The following EZH1 variants were observed in gnomAD, a reference collection of about 807,000 sequenced individuals.
EZH1 encodes the protein histone-lysine N-methyltransferase EZH1.
EZH1 carries 33 observed loss-of-function variants against 100.5 expected under a neutral mutation model. That is an observed-to-expected ratio of 0.33 (90% CI 0.25 to 0.44). The LOEUF (loss-of-function observed/expected upper bound fraction) is 0.44. EZH1 is among the 20% of genes least tolerant of loss of function. The probability of loss-of-function intolerance (pLI) is 1.00; values close to 1 mark genes in which losing one functional copy is unlikely to be tolerated. For synonymous variants in EZH1, 272 were observed against 313.8 expected, an observed-to-expected ratio of 0.87 and a Z score of 1.41; for missense variants, 475 against 928.4, an observed-to-expected ratio of 0.51 and a Z score of 6.35.
intron 1 of EZH1, among the ~76,000 whole-genome samples, chr17:42,744,037 T>TA (rs2054229954): frequency 6.6e-6 from 1 of 152,094 alleles, no homozygotes; most frequent in South Asian, 2.1e-4. Context: ...ACCTAATTGT[T>TA]AGTGTACCTG....
At position 42,712,412 on chromosome 17, in the gene EZH1, T is replaced by C. The variant is rs1222583957; in HGVS notation, c.1278A>G (p.Glu426=). Residue 426 remains glutamate (E), a synonymous_variant, in exon 12 of 21, where the codon GAA becomes GAG. Coordinates refer to ENST00000428826, the MANE Select transcript of EZH1 (RefSeq NM_001991.5). ...SPAPPQLCVV[E]APSEPVEWTG... ...TCCATTCCACAGGCTCCGAGGGTGCTTCCACTACGCAGAGTTGAGGTGGGG... is the reference window on the plus strand; with the variant it reads ...TCCATTCCACAGGCTCCGAGGGTGCCTCCACTACGCAGAGTTGAGGTGGGG... The C allele has an allele frequency of 6.2e-7, 1 of 1,614,072 alleles. No homozygotes were observed. The highest frequency in any genetic ancestry group is 8.5e-7 in the Non-Finnish European group (1 of 1,180,038).
chr17:42,731,205 C>T (rs1401617628), intron 1 of EZH1, among the ~76,000 whole-genome samples: 2 of 151,910 alleles, frequency 1.3e-5, no homozygotes, highest in African/African-American at 4.8e-5. Context: ...GCAACCTCCG[C>T]CTCCTGGGTT....
At chr17:42,710,625 G>T (rs368711602) in intron 12 of EZH1, among the ~76,000 whole-genome samples, 245 of 121,096 alleles carry the variant, frequency 2.0e-3, no homozygotes, top group South Asian at 6.7e-3. Context: ...TTCTGTTTTT[G>T]TTTGTTTTTT....
chr17:42,726,162 A>C (rs2053815431), intron 4 of EZH1, among the ~76,000 whole-genome samples: 1 of 141,334 alleles, frequency 7.1e-6, no homozygotes, highest in Non-Finnish European at 1.5e-5. Context: ...TACAGGCATG[A>C]GCCACTGCAC....
chr17:42,742,758 T>A (rs1331622985), intron 1 of EZH1, among the ~76,000 whole-genome samples: 2 of 152,246 alleles, frequency 1.3e-5, no homozygotes, highest in African/African-American at 4.8e-5. Flanking sequence ...TGATTCATTA[T>A]GTTTGTGACA....
chr17:42,731,263 G>A (rs993622326), intron 1 of EZH1, among the ~76,000 whole-genome samples: 5 of 151,848 alleles, frequency 3.3e-5, no homozygotes, highest in African/African-American at 7.3e-5. Context: ...GACTATAGGC[G>A]CGCACCACCA....
Position 42,728,918 on chromosome 17 carries a change from G to A in EZH1, c.24C>T (p.Thr8=), listed in dbSNP as rs553310684. ...TTTTCCAGTAAGTGATACATTTGGA[G>A]GTAGGGGGATTTGGTATTTCCATCT... MEIPNPP[T]SKCITYWKRK... is the part of the protein sequence containing the mutation. The change falls in exon 3 of 21, where the codon ACC becomes ACT. Residue 8 remains threonine (T), a synonymous_variant. Coordinates refer to ENST00000428826, the MANE Select transcript of EZH1 (RefSeq NM_001991.5). The A allele has an allele frequency of 2.0e-5, 32 of 1,613,208 alleles. No individual in the cohort carries two copies. In the South Asian group the frequency reaches 3.2e-4, roughly 16 times the overall value.
intron 1 of EZH1, among the ~76,000 whole-genome samples, chr17:42,735,483 A>G (rs2054048275): frequency 6.6e-6 from 1 of 152,120 alleles, no homozygotes; most frequent in Non-Finnish European, 1.5e-5. Context: ...AATACTTTAT[A>G]TTTCTACCAG....
intron 5 of EZH1, 105 bp downstream of exon 5, chr17:42,724,200 G>A: frequency 7.5e-7 from 1 of 1,331,106 alleles, no homozygotes; most frequent in Non-Finnish European, 1.1e-6. Context: ...GCATGTCCTA[G>A]CTGTGTTAAT....
Position 42,702,601 on chromosome 17 carries a change from G to A in EZH1, c.2184-9C>T, listed in dbSNP as rs1219706879. The A allele has an allele frequency of 3.8e-6, 6 of 1,563,518 alleles. No homozygotes were observed. In the South Asian group the frequency reaches 5.8e-5, roughly 15 times the overall value. On this transcript the variant is annotated splice_polypyrimidine_tract_variant and intron_variant, in intron 20 of 20. Coordinates refer to ENST00000428826, the MANE Select transcript of EZH1 (RefSeq NM_001991.5). Reference sequence around the variant, plus strand: ...CATCAGCTTGGCTGTACCTGTCCCAGAGCAGGGAAGAGGAACCAGGTTACT... The same window carrying A: ...CATCAGCTTGGCTGTACCTGTCCCAAAGCAGGGAAGAGGAACCAGGTTACT...
chr17:42,739,696 C>T lies in EZH1; in HGVS notation c.-103+5315G>A, dbSNP rs537871715. ...GAGCTGAGATCGTGCCATTGCACTC[C>T]AGTCTGAGCAACAAGAGTGAAATTC... is the stretch of plus-strand genomic sequence containing the variant. On this transcript the variant is annotated intron_variant, in intron 1 of 20. Transcript: ENST00000428826. Among the ~76,000 whole-genome samples, 4 of 151,738 alleles carry T rather than the reference C, an allele frequency of 2.6e-5. No homozygotes were observed. In the South Asian group the frequency reaches 8.3e-4, roughly 32 times the overall value.
At position 42,721,082 on chromosome 17, in the gene EZH1, C is replaced by A. The variant is rs567701051; in HGVS notation, c.488-633G>T. 5.1e-4 allele frequency among the ~76,000 whole-genome samples: 78 copies of A among 152,344 alleles called. 2 individuals carry two copies. The South Asian group carries it at 0.013, about 26-fold the overall frequency. On this transcript the variant is annotated intron_variant, in intron 6 of 20. Transcript: ENST00000428826. ...AGAGAAAAATAATAAAATGAAAATT[C>A]TCTTGGCTTTGCTGCTGATGGGTCA...
Position 42,722,020 on chromosome 17 carries a change from C to T in EZH1, c.487+775G>A, listed in dbSNP as rs891839047. Among the ~76,000 whole-genome samples, 6 of 151,662 alleles carry T rather than the reference C, an allele frequency of 4.0e-5. No homozygotes were observed. The South Asian group carries it at 1.0e-3, about 26-fold the overall frequency. ...CAAAAAAGTAGCCGGGTGTGGTAGG[C>T]GCCTGTAGTCCCAGCTACCTCGGGA... On this transcript the variant is annotated intron_variant, in intron 6 of 20. Coordinates refer to ENST00000428826, the MANE Select transcript of EZH1 (RefSeq NM_001991.5).
At chr17:42,735,189 C>T (rs535728664) in intron 1 of EZH1, among the ~76,000 whole-genome samples, 1 of 151,900 alleles carries the variant, frequency 6.6e-6, no homozygotes, top group East Asian at 1.9e-4. Flanking sequence ...CTTTGGGAGG[C>T]TGAGGCGGGT....
rs1281685181 is a variant in EZH1 at position 42,745,031 on chromosome 17, T to A, written c.-123A>T. 15 of 1,271,796 alleles carry A rather than the reference T, an allele frequency of 1.2e-5. No individual in the cohort carries two copies. In the East Asian group the frequency reaches 4.4e-4, roughly 37 times the overall value. 78.8% of individuals were successfully genotyped at this position (1,271,796 alleles called of 1,614,324 possible). ...CTCACCCTCCATCCCGAGCCGCGGG[T>A]CCCGCTGCTAGGACGCATGCGCGCC... On this transcript the variant is annotated 5_prime_UTR_variant, in exon 1 of 21. Transcript: ENST00000428826.
intron 1 of EZH1, among the ~76,000 whole-genome samples, chr17:42,743,008 T>C (rs1481133630): frequency 1.3e-5 from 2 of 151,910 alleles, no homozygotes; most frequent in East Asian, 3.9e-4. Context: ...TAGCTGGGAT[T>C]ACAGGCACCC....
At chr17:42,720,931 G>T (rs2053694507) in intron 6 of EZH1, among the ~76,000 whole-genome samples, 1 of 152,168 alleles carries the variant, frequency 6.6e-6, no homozygotes. Context: ...GATTACAGGT[G>T]TGACCCACCG....
rs1467194732 is a variant in EZH1 at position 42,706,025 on chromosome 17, G to T, written c.1821C>A (p.Ile607=). ...GCCTCACCTTCTTAAGTCCACGCTG[G>T]ATGCTGCAGTTTTTACAGGAAACCA... ...CKVVSCKNCS[I]QRGLKKHLLL... The change falls in exon 16 of 21, where the codon ATC becomes ATA. Residue 607 remains isoleucine (I), a synonymous_variant. Transcript: ENST00000428826. This position sits in a 1 kb window ranked among gnomAD's most constrained non-coding sequence, Gnocchi z 4.4. 3.1e-6 allele frequency: 5 copies of T among 1,613,278 alleles called. No individual in the cohort carries two copies. The Admixed American group carries it at 8.3e-5, about 27-fold the overall frequency.
In EZH1 at chr17:42,740,640, G is replaced by A. The variant is rs188655171; in HGVS notation, c.-103+4371C>T. On this transcript the variant is annotated intron_variant, in intron 1 of 20. Transcript: ENST00000428826. ...GTTGAGATTACAGACATGAGCCACC[G>A]TGCCCAGTGAGAACGCTGACTTGGA... 4.6e-5 allele frequency among the ~76,000 whole-genome samples: 7 copies of A among 152,266 alleles called. No individual in the cohort carries two copies. In the East Asian group the frequency reaches 1.2e-3, roughly 25 times the overall value.
Sources: allele counts gnomAD v4.1 joint callset (sites outside exome capture counted in the v4.1 genomes callset), GRCh38; gene constraint gnomAD v4.1.1; non-coding constraint Gnocchi (gnomAD v3.1); transcripts MANE v1.5; gene names NCBI Gene and HGNC (gene_info 2026-07-23, HGNC 2026-07-21).